Variants in CACNB1 observed in about 807,000 individuals in gnomAD.
The protein encoded by CACNB1 is voltage-dependent L-type calcium channel subunit beta-1.
In CACNB1, 29 loss-of-function variants were observed where a neutral mutation model predicts 71.6. The observed-to-expected ratio is 0.40, with a 90% CI of 0.30 to 0.55. The LOEUF (loss-of-function observed/expected upper bound fraction) is 0.55, where lower values mean the gene tolerates loss of function less well. Among genes scored for constraint, CACNB1 ranks in the 20% least tolerant of loss-of-function variants. The pLI, the probability that CACNB1 is intolerant of heterozygous loss-of-function variation, is 0.38. For missense variants in CACNB1, 623 were observed against 801.8 expected (o/e 0.78, Z 2.69); for synonymous variants, 300 against 319.6 (o/e 0.94, Z 0.65).
chr17:39,186,261 G>T lies in CACNB1; in HGVS notation c.628+235C>A. 1 of 671,594 alleles carries T rather than the reference G, an allele frequency of 1.5e-6. No homozygotes were observed. Among genetic ancestry groups the T allele is most frequent in the Non-Finnish European group, 2.6e-6 (1 of 388,316 alleles). 41.6% of individuals were successfully genotyped at this position (671,594 alleles called of 1,614,324 possible). On this transcript the variant is annotated intron_variant, in intron 6 of 13. Coordinates refer to ENST00000394303, the MANE Select transcript of CACNB1 (RefSeq NM_000723.5). The surrounding 1 kb of genome is among the most constrained non-coding windows in gnomAD (Gnocchi z 4.1). ...ACAGGGCTGGGAGAAATGAATGGGG[G>T]CAGGGCAGGGGAATCAGGCAGAGAG... is the stretch of plus-strand genomic sequence containing the variant.
In CACNB1 at chr17:39,184,386, GGGGGTGGGGGTTTGT is replaced by G; in HGVS notation, c.730-18_730-4del. The stretch of plus-strand genomic sequence containing the variant: ...GCTTTCTGCATCATGTCTGTAACCT[GGGGGTGGGGGTTTGT>G]GGGGAGGGAGGGAGGAGAAGGCAGG... On this transcript the variant is annotated splice_region_variant and splice_polypyrimidine_tract_variant and intron_variant, in intron 8 of 13. Transcript: ENST00000394303. The G allele has an allele frequency of 6.6e-7, 1 of 1,510,714 alleles. No individual in the cohort carries two copies. The highest frequency in any genetic ancestry group is 9.0e-7 in the Non-Finnish European group (1 of 1,110,646). The allele number at this position is 1,510,714 out of a possible 1,614,324, so 93.6% of individuals were successfully genotyped here.
At chr17:39,189,080 A>T (rs781034337) in intron 3 of CACNB1, among the ~76,000 whole-genome samples, 1 of 151,672 alleles carries the variant, frequency 6.6e-6, no homozygotes, top group Non-Finnish European at 1.5e-5. Flanking sequence ...AATAATAGTT[A>T]TAGGCCGGGC....
At position 39,186,774 on chromosome 17, in the gene CACNB1, C is replaced by A. The variant is rs573339000; in HGVS notation, c.551+19G>T. The stretch of plus-strand genomic sequence containing the variant: ...TCCTGGGGTTGGCAGCATCCCCTTC[C>A]CCTGCCCCACCCAGACACCTGGAGC... On this transcript the variant is annotated intron_variant, in intron 5 of 13. Coordinates refer to ENST00000394303, the MANE Select transcript of CACNB1 (RefSeq NM_000723.5). This position sits in a 1 kb window ranked among gnomAD's most constrained non-coding sequence, Gnocchi z 4.1. The A allele has an allele frequency of 6.2e-6, 10 of 1,613,204 alleles. No homozygotes were observed. In the East Asian group the frequency reaches 2.0e-4, roughly 32 times the overall value.
Position 39,184,149 on chromosome 17 carries a change from T to A in CACNB1, c.789-9A>T. Reference sequence around the variant, plus strand: ...CACGAGTGATGGAGATCCTGGGGAATGGGGCAAGAGGGGAGTCAGGGGTCA... The same window carrying A: ...CACGAGTGATGGAGATCCTGGGGAAAGGGGCAAGAGGGGAGTCAGGGGTCA... On this transcript the variant is annotated splice_polypyrimidine_tract_variant and intron_variant, in intron 9 of 13. Transcript: ENST00000394303. 1 of 1,577,690 alleles carries A rather than the reference T, an allele frequency of 6.3e-7. No individual in the cohort carries two copies. Among genetic ancestry groups the A allele is most frequent in the South Asian group, 1.1e-5 (1 of 90,256 alleles).
intron 3 of CACNB1, 144 bp from the exon 4 acceptor site, chr17:39,187,745 G>A: frequency 1.0e-6 from 1 of 970,208 alleles, no homozygotes; most frequent in Non-Finnish European, 1.6e-6. Flanking sequence ...AGGGTGTGGT[G>A]GCTCACACCT....
At chr17:39,184,459 G>A in intron 8 of CACNB1, 76 bp from the exon 9 acceptor site, 1 of 843,862 alleles carries the variant, frequency 1.2e-6, no homozygotes, top group Non-Finnish European at 2.0e-6. Flanking sequence ...GAGTCGCTGG[G>A]TATTTGTACC....
At chr17:39,188,607 G>GT (rs1458059185) in intron 3 of CACNB1, among the ~76,000 whole-genome samples, 1 of 152,044 alleles carries the variant, frequency 6.6e-6, no homozygotes, top group African/African-American at 2.4e-5. Flanking sequence ...GGCTTGTGTG[G>GT]TTTTCTCCAT....
chr17:39,178,864 G>A (rs893406971), intron 11 of CACNB1, among the ~76,000 whole-genome samples: 4 of 152,138 alleles, frequency 2.6e-5, no homozygotes, highest in Admixed American at 1.3e-4. Context: ...ATGCAAAACC[G>A]GAAACTAATC....
chr17:39,195,121 C>G (rs1034178960), intron 1 of CACNB1, 151 bp from the exon 2 acceptor site: 3 of 586,860 alleles, frequency 5.1e-6, no homozygotes, highest in African/African-American at 3.8e-5. Context: ...GTGGTACGAC[C>G]CAAGGGGAGG....
intron 3 of CACNB1, 47 bp downstream of exon 3, chr17:39,191,427 A>C: frequency 6.4e-7 from 1 of 1,561,472 alleles, no homozygotes; most frequent in East Asian, 2.3e-5. Flanking sequence ...ACAGCCCAGG[A>C]CTGGGGGAAA....
rs770448042 is a variant in CACNB1 at position 39,194,768 on chromosome 17, G to A, written c.171+116C>T. Reference sequence around the variant, plus strand: ...GTGTCAGGGTGATGGGGTGGCTCCAGGCAGGTGACAAATGGCACAGGGAAG... The same window carrying A: ...GTGTCAGGGTGATGGGGTGGCTCCAAGCAGGTGACAAATGGCACAGGGAAG... On this transcript the variant is annotated intron_variant, in intron 2 of 13. Coordinates refer to ENST00000394303, the MANE Select transcript of CACNB1 (RefSeq NM_000723.5). This position sits in a 1 kb window ranked among gnomAD's most constrained non-coding sequence, Gnocchi z 4.6. 109 of 690,098 alleles carry A rather than the reference G, an allele frequency of 1.6e-4. No individual in the cohort carries two copies. The highest frequency in any genetic ancestry group is 2.6e-4 in the Non-Finnish European group (105 of 400,048). The allele number at this position is 690,098 out of a possible 1,614,324, so 42.7% of individuals were successfully genotyped here. A position where few individuals can be genotyped will look rare whatever the true frequency, so the allele number is the denominator to read the frequency against.
At chr17:39,181,837 G>A (rs765667670) in intron 11 of CACNB1, among the ~76,000 whole-genome samples, 2 of 152,072 alleles carry the variant, frequency 1.3e-5, no homozygotes, top group African/African-American at 4.8e-5. Flanking sequence ...GGCCAACATG[G>A]TGAAAACCTG....
intron 1 of CACNB1, 73 bp downstream of exon 1, chr17:39,197,339 C>T: frequency 1.0e-6 from 1 of 991,786 alleles, no homozygotes; most frequent in Non-Finnish European, 1.4e-6. Context: ...TCCTCTCCCG[C>T]GCCTCTCGAG....
intron 10 of CACNB1, 77 bp from the exon 11 acceptor site, chr17:39,183,941 G>C: frequency 6.4e-7 from 1 of 1,562,884 alleles, no homozygotes; most frequent in Non-Finnish European, 8.8e-7. Flanking sequence ...AACACTTCTG[G>C]AGATGGCCCT....
intron 1 of CACNB1, 54 bp from the exon 2 acceptor site, chr17:39,195,024 C>T: frequency 2.4e-6 from 3 of 1,252,806 alleles, no homozygotes; most frequent in Non-Finnish European, 2.3e-6. Context: ...CTTTCCCAAC[C>T]CTCATCTTGC....
intron 3 of CACNB1, among the ~76,000 whole-genome samples, chr17:39,188,816 G>GT (rs1211736237): frequency 6.6e-6 from 1 of 152,132 alleles, no homozygotes; most frequent in Non-Finnish European, 1.5e-5. Flanking sequence ...GGCAAGGCAG[G>GT]TGGATCACTT....
chr17:39,191,250 TG>T (rs2046072345), intron 3 of CACNB1, among the ~76,000 whole-genome samples: 1 of 151,572 alleles, frequency 6.6e-6, no homozygotes, highest in African/African-American at 2.4e-5. Flanking sequence ...GCCCTTATTA[TG>T]TGTGGAAACA....
chr17:39,184,177 G>A (rs770085936), intron 9 of CACNB1, 37 bp from the exon 10 acceptor site: 1 of 1,440,874 alleles, frequency 6.9e-7, no homozygotes, highest in South Asian at 1.1e-5. Context: ...AGGGGTCAGG[G>A]TGGGCTGGAA....
chr17:39,194,945 C>T lies in CACNB1; in HGVS notation c.110G>A (p.Arg37Gln), dbSNP rs1449261961. The T allele has an allele frequency of 6.2e-7, 1 of 1,613,050 alleles. No homozygotes were observed. Among genetic ancestry groups the T allele is most frequent in the Admixed American group, 1.7e-5 (1 of 59,978 alleles). ...CGTGCTCCCATCTGACCGTTTGAAT[C>T]GCCCTTTCCTCTTGCTGTATTTGCC... ...PQGKYSKRKG[R>Q]FKRSDGSTSS... is the part of the protein sequence containing the mutation. The change falls in exon 2 of 14, where the codon CGA (arginine) becomes CAA (glutamine). Residue 37 changes from arginine to glutamine, a missense_variant. Arg to Gln is a conservative substitution (Grantham distance 43). Coordinates refer to ENST00000394303, the MANE Select transcript of CACNB1 (RefSeq NM_000723.5). The surrounding 1 kb of genome is among the most constrained non-coding windows in gnomAD (Gnocchi z 4.6).
Sources: allele counts gnomAD v4.1 joint callset (sites outside exome capture counted in the v4.1 genomes callset), GRCh38; gene constraint gnomAD v4.1.1; non-coding constraint Gnocchi (gnomAD v3.1); transcripts MANE v1.5; gene names NCBI Gene and HGNC (gene_info 2026-07-23, HGNC 2026-07-21).